Variants in LRRTM4 observed in about 807,000 individuals in gnomAD.
LRRTM4 encodes leucine rich repeat transmembrane neuronal 4.
In LRRTM4, 25 loss-of-function variants were observed where a neutral mutation model predicts 47.6. The observed-to-expected ratio is 0.53, with a 90% CI of 0.38 to 0.73. The LOEUF (loss-of-function observed/expected upper bound fraction) is 0.73. LRRTM4 is among the 30% of genes least tolerant of loss of function. The probability of loss-of-function intolerance (pLI) is 0.00; values close to 1 mark genes in which losing one functional copy is unlikely to be tolerated. For missense variants in LRRTM4, 638 were observed against 713.4 expected, an observed-to-expected ratio of 0.89 and a Z score of 1.20; for synonymous variants, 311 against 269.5, an observed-to-expected ratio of 1.15 and a Z score of -1.51.
chr2:76,994,094 A>T (rs1017795688), intron 3 of LRRTM4, among the ~76,000 whole-genome samples: 2 of 151,844 alleles, frequency 1.3e-5, no homozygotes, highest in African/African-American at 4.8e-5. Context: ...CGGCAACAAT[A>T]GACACTGCAG....
rs1175356495 is a variant in LRRTM4, at chr2:77,300,934, A to AT, written c.1551+217383dup. 3.3e-5 allele frequency among the ~76,000 whole-genome samples: 5 copies of AT among 151,552 alleles called. No individual in the cohort carries two copies. In the East Asian group the frequency reaches 5.8e-4, roughly 18 times the overall value. On this transcript the variant is annotated intron_variant, in intron 3 of 3. Coordinates refer to ENST00000409884, the MANE Select transcript of LRRTM4 (RefSeq NM_001134745.3). ...CCATTTATCAGTTGTGCTAAATGGA[A>AT]TTTTTTTTTACAGTTGTGGTAAATG...
intron 3 of LRRTM4, among the ~76,000 whole-genome samples, chr2:76,780,315 T>A (rs996982778): frequency 2.0e-5 from 3 of 152,234 alleles, no homozygotes; most frequent in African/African-American, 7.2e-5. Flanking sequence ...CTTGCCTTGC[T>A]AGATTGGGGA....
intron 3 of LRRTM4, among the ~76,000 whole-genome samples, chr2:76,960,971 T>C (rs769102509): frequency 2.0e-5 from 3 of 151,666 alleles, no homozygotes; most frequent in Non-Finnish European, 3.0e-5. Flanking sequence ...TACAAGATAA[T>C]TTATTTTTTC....
chr2:76,937,595 G>A (rs1344856049), intron 3 of LRRTM4, among the ~76,000 whole-genome samples: 2 of 152,166 alleles, frequency 1.3e-5, no homozygotes, highest in East Asian at 3.9e-4. Context: ...TGTGAAATGA[G>A]TCTTGCTCTG....
rs1362176892 is a variant in LRRTM4 at position 76,906,524 on chromosome 2, A to G, written c.1552-157608T>C. ...TTAACTTTAAATGTAAATGGACTAA[A>G]TGCTCCAATCAAAAGACACAGACTG... On this transcript the variant is annotated intron_variant, in intron 3 of 3. Coordinates refer to ENST00000409884, the MANE Select transcript of LRRTM4 (RefSeq NM_001134745.3). 2.0e-5 allele frequency among the ~76,000 whole-genome samples: 3 copies of G among 152,184 alleles called. No homozygotes were observed. In the East Asian group the frequency reaches 5.8e-4, roughly 29 times the overall value.
intron 3 of LRRTM4, among the ~76,000 whole-genome samples, chr2:76,901,574 G>C (rs1673634431): frequency 6.6e-6 from 1 of 151,952 alleles, no homozygotes; most frequent in African/African-American, 2.4e-5. Flanking sequence ...GTACTTTTAA[G>C]GTATCTCTAA....
intron 3 of LRRTM4, among the ~76,000 whole-genome samples, chr2:76,943,097 T>TA (rs540272452): frequency 1.5e-3 from 222 of 152,326 alleles, no homozygotes; most frequent in Non-Finnish European, 2.7e-3. Flanking sequence ...TCGTAGTTTT[T>TA]AGCCCTGCCT....
chr2:76,995,785 GCAGGCTGGAAA>G (rs1677179927), intron 3 of LRRTM4, among the ~76,000 whole-genome samples: 1 of 151,998 alleles, frequency 6.6e-6, no homozygotes, highest in Admixed American at 6.6e-5. Flanking sequence ...ATCCCAATTT[GCAGGCTGGAAA>G]CAACTAGACA....
chr2:77,044,546 G>T (rs1679166842), intron 3 of LRRTM4, among the ~76,000 whole-genome samples: 1 of 151,526 alleles, frequency 6.6e-6, no homozygotes. Context: ...TCAAGGGTGT[G>T]TGTGTCTGTG....
intron 3 of LRRTM4, among the ~76,000 whole-genome samples, chr2:77,377,616 A>T (rs1022363614): frequency 6.6e-6 from 1 of 151,994 alleles, no homozygotes; most frequent in Non-Finnish European, 1.5e-5. Context: ...ATTTTCTGCA[A>T]CTGTTTGATA....
In LRRTM4 at chr2:76,888,321, T is replaced by C. The variant is rs1573260750; in HGVS notation, c.1552-139405A>G. On this transcript the variant is annotated intron_variant, in intron 3 of 3. Coordinates refer to ENST00000409884, the MANE Select transcript of LRRTM4 (RefSeq NM_001134745.3). ...TAATTAAGATTTAGTTGTAGAAGTA[T>C]ATTTATATTTTAATGACATGGAACA... Among the ~76,000 whole-genome samples the C allele has an allele frequency of 2.0e-5, 3 of 151,514 alleles. No individual in the cohort carries two copies. In the East Asian group the frequency reaches 5.8e-4, roughly 29 times the overall value.
chr2:76,777,287 T>C (rs1481111787), intron 3 of LRRTM4, among the ~76,000 whole-genome samples: 1 of 145,440 alleles, frequency 6.9e-6, no homozygotes, highest in African/African-American at 2.5e-5. Flanking sequence ...TTTTTCCAAT[T>C]CTGTGAAGAA....
intron 3 of LRRTM4, among the ~76,000 whole-genome samples, chr2:77,024,564 A>AT (rs140609403): frequency 2.2e-4 from 33 of 150,316 alleles, no homozygotes; most frequent in Admixed American, 6.0e-4. Context: ...GAAAAATCAC[A>AT]TTTTTTTTTG....
Position 77,372,782 on chromosome 2 carries a change from T to C in LRRTM4, c.1551+145536A>G, listed in dbSNP as rs372564492. 3.4e-4 allele frequency among the ~76,000 whole-genome samples: 51 copies of C among 151,786 alleles called. 1 individual carries two copies. The South Asian group carries it at 0.011, about 31-fold the overall frequency. On this transcript the variant is annotated intron_variant, in intron 3 of 3. Coordinates refer to ENST00000409884, the MANE Select transcript of LRRTM4 (RefSeq NM_001134745.3). ...AATCACATCATATTAAATAACTGTGTGTGTTTGGTCTTTTGGGGTAGGGAT... is the reference window on the plus strand; with the variant it reads ...AATCACATCATATTAAATAACTGTGCGTGTTTGGTCTTTTGGGGTAGGGAT...
At chr2:77,050,581 G>A (rs370167405) in intron 3 of LRRTM4, among the ~76,000 whole-genome samples, 7 of 152,012 alleles carry the variant, frequency 4.6e-5, no homozygotes, top group Admixed American at 2.6e-4. Flanking sequence ...TGTAACAGTC[G>A]GTGCATTCAA....
At chr2:77,219,841 C>A (rs1158336572) in intron 3 of LRRTM4, among the ~76,000 whole-genome samples, 2 of 152,188 alleles carry the variant, frequency 1.3e-5, no homozygotes, top group Non-Finnish European at 2.9e-5. Context: ...CCCTGTCTGA[C>A]AGCTTTGAAG....
chr2:76,871,002 CAGAGCT>C (rs1455547920), intron 3 of LRRTM4, among the ~76,000 whole-genome samples: 7 of 152,142 alleles, frequency 4.6e-5, no homozygotes, highest in Non-Finnish European at 1.0e-4. Context: ...ACTATGCTTA[CAGAGCT>C]ACATCTTACA....
chr2:77,245,957 A>G (rs1218279499), intron 3 of LRRTM4, among the ~76,000 whole-genome samples: 1 of 152,192 alleles, frequency 6.6e-6, no homozygotes, highest in East Asian at 1.9e-4. Flanking sequence ...ACATTAGTCA[A>G]TCACATAACA....
chr2:76,932,335 G>C (rs939032104), intron 3 of LRRTM4, among the ~76,000 whole-genome samples: 1 of 152,074 alleles, frequency 6.6e-6, no homozygotes, highest in Admixed American at 6.6e-5. Context: ...GGCAGATATT[G>C]TCTTCCACCA....
Sources: allele counts gnomAD v4.1 joint callset (sites outside exome capture counted in the v4.1 genomes callset), GRCh38; gene constraint gnomAD v4.1.1; transcripts MANE v1.5; gene names NCBI Gene and HGNC (gene_info 2026-07-23, HGNC 2026-07-21).